DNAH10: variants seen among roughly 807,000 people sequenced by gnomAD.
The protein encoded by DNAH10 is axonemal beta dynein heavy chain 10.
A neutral mutation model predicts 506.6 loss-of-function variants in DNAH10; 348 were observed. The ratio of observed to expected loss-of-function variants is 0.69; its 90% CI spans 0.63 to 0.75. DNAH10 has a LOEUF of 0.75. Ranked by LOEUF, DNAH10 falls within the 30% of genes least tolerant of loss-of-function variation. DNAH10 has a pLI of 0.00. For missense variants in DNAH10, 5,179 were observed against 5,787.1 expected, an observed-to-expected ratio of 0.89 and a Z score of 3.41; for synonymous variants, 2,059 against 2,198.6, an observed-to-expected ratio of 0.94 and a Z score of 1.78.
chr12:123,764,536 A>G (rs1449853651), intron 1 of DNAH10, among the ~76,000 whole-genome samples: 1 of 152,132 alleles, frequency 6.6e-6, no homozygotes, highest in Non-Finnish European at 1.5e-5. Flanking sequence ...TGTGACTTGG[A>G]TTTCTTGCAG....
intron 24 of DNAH10, among the ~76,000 whole-genome samples, chr12:123,821,269 G>A (rs1466426521): frequency 2.6e-5 from 4 of 152,004 alleles, no homozygotes; most frequent in Non-Finnish European, 4.4e-5. Context: ...AAAAAGTTCT[G>A]GAAATAGATA....
rs540409278 is a variant in DNAH10 at position 123,793,495 on chromosome 12, T to C, written c.1816-447T>C. On this transcript the variant is annotated intron_variant, in intron 11 of 78. Transcript: ENST00000673944. ...CTGGGACTACAGGCGCCCACCACCA[T>C]GCCCGGCTAATTTTTTGTATTGTTA... 4.4e-3 allele frequency among the ~76,000 whole-genome samples: 671 copies of C among 152,150 alleles called. 6 individuals carry two copies. Among genetic ancestry groups the C allele is most frequent in the Non-Finnish European group, 5.2e-3 (353 of 67,996 alleles).
chr12:123,862,220 A>G (rs746934318), intron 39 of DNAH10, among the ~76,000 whole-genome samples: 18 of 152,274 alleles, frequency 1.2e-4, no homozygotes, highest in Middle Eastern at 3.4e-3. Flanking sequence ...ATGCAACTCT[A>G]GGGAGATAAC....
intron 28 of DNAH10, among the ~76,000 whole-genome samples, chr12:123,837,468 C>T (rs1961283944): frequency 6.6e-6 from 1 of 151,932 alleles, no homozygotes; most frequent in South Asian, 2.1e-4. Context: ...AATCCCCTTG[C>T]CCAGGGTAAC....
In DNAH10 at chr12:123,805,030, C is replaced by T. The variant is rs1182977881; in HGVS notation, c.2977C>T (p.Leu993Phe). Reference protein sequence around the residue: ...EKKIYEVLTKLILKNLQSFNS... With the variant: ...EKKIYEVLTKFILKNLQSFNS... ...GAAAATTTATGAGGTCCTGACAAAG[C>T]TCATCCTGAAGTAAGTTCATCTTGT... Residue 993 changes from leucine (L) to phenylalanine (F), a missense_variant, in exon 18 of 79, where the codon CTC becomes TTC. By Grantham distance (22) the Leu-to-Phe change is conservative. This residue lies in a region of DNAH10 where 4,844 missense variants were observed against 5,430.5 expected (regional missense o/e 0.89). Coordinates refer to ENST00000673944, the MANE Select transcript of DNAH10 (RefSeq NM_001372106.1). The T allele has an allele frequency of 6.2e-7, 1 of 1,614,136 alleles. No homozygotes were observed. The highest frequency in any genetic ancestry group is 8.5e-7 in the Non-Finnish European group (1 of 1,180,014).
intron 61 of DNAH10, 62 bp from the exon 62 acceptor site, chr12:123,914,790 C>A: frequency 6.3e-7 from 1 of 1,577,170 alleles, no homozygotes. Context: ...GTCCTACCAC[C>A]CTTAGCCCTT....
intron 28 of DNAH10, among the ~76,000 whole-genome samples, chr12:123,837,581 C>G (rs1594153187): frequency 7.1e-6 from 1 of 141,612 alleles, no homozygotes; most frequent in Non-Finnish European, 1.5e-5. Flanking sequence ...TATGATTGTT[C>G]TTTTTTTTTT....
chr12:123,773,933 A>C (rs1957346304), intron 4 of DNAH10, among the ~76,000 whole-genome samples: 1 of 152,240 alleles, frequency 6.6e-6, no homozygotes, highest in South Asian at 2.1e-4. Flanking sequence ...TGCACTGTTC[A>C]TACTAATCCA....
intron 54 of DNAH10, among the ~76,000 whole-genome samples, chr12:123,896,497 G>A (rs1173274859): frequency 6.6e-6 from 1 of 152,150 alleles, no homozygotes; most frequent in Non-Finnish European, 1.5e-5. Flanking sequence ...GTATAGGAAG[G>A]CCCACCTTTG....
In DNAH10 at chr12:123,785,903, TCTGCCGAGTGGTCAAC is replaced by T; in HGVS notation, c.1393_1408del (p.Arg465GlyfsTer36). On this transcript the variant is annotated frameshift_variant, in exon 9 of 79. Transcript: ENST00000673944. LOFTEE classifies it high-confidence loss of function. The surrounding 1 kb of genome is among the most constrained non-coding windows in gnomAD (Gnocchi z 4.1). ...ATCGCCTGGGAAATCGCTGAGAGAGTCTGCCGAGTGGTCAACCTGCGGACTTTGTTCAAGTAAGAAG... is the reference window on the plus strand; with the variant it reads ...ATCGCCTGGGAAATCGCTGAGAGAGTCTGCGGACTTTGTTCAAGTAAGAAG... 6.2e-7 allele frequency: 1 copy of T among 1,613,724 alleles called. No individual in the cohort carries two copies. The highest frequency in any genetic ancestry group is 8.5e-7 in the Non-Finnish European group (1 of 1,179,662).
chr12:123,899,944 T>C lies in DNAH10; in HGVS notation c.9640+1130T>C, dbSNP rs190083095. ...CCAGGAATTTGTGGCATATCCCTGC[T>C]GCCTGTTTTGATGCTGAGTCCTCAC... On this transcript the variant is annotated intron_variant, in intron 56 of 78. Transcript: ENST00000673944. Among the ~76,000 whole-genome samples, 132 of 152,372 alleles carry C rather than the reference T, an allele frequency of 8.7e-4. 1 individual carries two copies. Among genetic ancestry groups the C allele is most frequent in the Middle Eastern group, 6.8e-3 (2 of 294 alleles).
intron 1 of DNAH10, among the ~76,000 whole-genome samples, chr12:123,765,600 A>ATCTATC (rs1957006762): frequency 1.3e-5 from 1 of 74,842 alleles, no homozygotes; most frequent in African/African-American, 4.7e-5. Flanking sequence ...ATCTATCTAT[A>ATCTATC]CATACCTCTA....
At chr12:123,783,820 GC>G (rs1957751543) in intron 7 of DNAH10, 126 bp from the exon 8 acceptor site, 1 of 810,794 alleles carries the variant, frequency 1.2e-6, no homozygotes, top group Non-Finnish European at 2.0e-6. Flanking sequence ...AGGGTCAAGA[GC>G]CCACCCCTGA....
intron 2 of DNAH10, among the ~76,000 whole-genome samples, chr12:123,768,165 G>A (rs559899285): frequency 3.3e-5 from 5 of 151,400 alleles, no homozygotes; most frequent in Admixed American, 6.6e-5. Context: ...ACAGGGTCTC[G>A]CTCTTGTCAC....
chr12:123,879,452 A>G (rs1952404842), intron 49 of DNAH10, 95 bp downstream of exon 49: 1 of 1,489,162 alleles, frequency 6.7e-7, no homozygotes, highest in East Asian at 2.5e-5. Flanking sequence ...AATTGTGGAA[A>G]AATAGGCACG....
At position 123,819,219 on chromosome 12, in the gene DNAH10, C is replaced by G; in HGVS notation, c.3969C>G (p.Gly1323=). ...EEFAKRFYSE[G]PGSVGDDLDK... ...TTGCAAAGCGTTTTTACAGTGAAGG[C>G]CCTGGTTCTGTTGGTGATGATCTTG... is the stretch of plus-strand genomic sequence containing the variant. Residue 1323 remains glycine (G), a synonymous_variant, in exon 23 of 79, where the codon GGC becomes GGG. Coordinates refer to ENST00000673944, the MANE Select transcript of DNAH10 (RefSeq NM_001372106.1). 2 of 1,613,212 alleles carry G rather than the reference C, an allele frequency of 1.2e-6. No homozygotes were observed. The highest frequency in any genetic ancestry group is 4.5e-5 in the East Asian group (2 of 44,864).
chr12:123,827,745 C>T (rs1331323972), intron 25 of DNAH10, among the ~76,000 whole-genome samples: 1 of 152,214 alleles, frequency 6.6e-6, no homozygotes, highest in Non-Finnish European at 1.5e-5. Flanking sequence ...TGAGTTCACA[C>T]TGAGAAAGTC....
At chr12:123,891,938 A>G (rs1040583199) in intron 52 of DNAH10, among the ~76,000 whole-genome samples, 1 of 152,164 alleles carries the variant, frequency 6.6e-6, no homozygotes, top group African/African-American at 2.4e-5. Context: ...ATCCCCCAAC[A>G]TTGAGTTGTG....
At chr12:123,838,428 T>A (rs1385658901) in intron 28 of DNAH10, 28 bp from the exon 29 acceptor site, 2 of 1,592,514 alleles carry the variant, frequency 1.3e-6, no homozygotes, top group Non-Finnish European at 1.7e-6. Flanking sequence ...CTCACCCTGC[T>A]TGACGGCTGT....
Sources: gnomAD v4.1 joint callset for allele counts (sites outside exome capture counted in the v4.1 genomes callset) on GRCh38, gnomAD v4.1.1 for gene constraint, gnomAD v4.1.1 regional missense constraint, Gnocchi (gnomAD v3.1) non-coding constraint, MANE v1.5 for transcripts, NCBI Gene and HGNC (gene_info 2026-07-23, HGNC 2026-07-21) for gene names.